CEBPZOS: variants seen among roughly 807,000 people sequenced by gnomAD.
The protein encoded by CEBPZOS is protein CEBPZOS.
In CEBPZOS, 10 loss-of-function variants were observed where a neutral mutation model predicts 4.8. The observed-to-expected ratio is 2.07, with a 90% CI of 1.28 to 3.52. The LOEUF is 3.52. CEBPZOS is among the 30% of genes most tolerant of loss of function. The pLI, the probability that CEBPZOS is intolerant of heterozygous loss-of-function variation, is 0.00. For synonymous variants in CEBPZOS, 25 were observed against 14.2 expected (o/e 1.77, Z -1.72); for missense variants, 98 against 43.6 (o/e 2.25, Z -3.51).
chr2:37,205,433 A>G (rs549488274), downstream of CEBPZOS, among the ~76,000 whole-genome samples: 1 of 151,856 alleles, frequency 6.6e-6, no homozygotes, highest in Non-Finnish European at 1.5e-5. Flanking sequence ...GCACCTTGTG[A>G]CCCCCACTCC....
chr2:37,212,310 G>A (rs1677747131), intron 4 of CEBPZOS: 1 of 1,599,408 alleles, frequency 6.3e-7, no homozygotes, highest in Non-Finnish European at 8.6e-7. Flanking sequence ...AGAAAAATAG[G>A]AAGGAGAAGA....
chr2:37,205,521 A>G (rs1457877037), downstream of CEBPZOS, among the ~76,000 whole-genome samples: 8 of 151,934 alleles, frequency 5.3e-5, no homozygotes, highest in Admixed American at 5.2e-4. Flanking sequence ...CCCCACCCCT[A>G]TCTCCCTTCA....
intron 3 of CEBPZOS, 132 bp from the exon 4 acceptor site, chr2:37,201,510 C>A (rs1392854945): frequency 3.3e-6 from 2 of 600,830 alleles, no homozygotes; most frequent in East Asian, 5.7e-5. Flanking sequence ...TATGTGAAGT[C>A]TGTAATCCTA....
intron 2 of CEBPZOS, among the ~76,000 whole-genome samples, chr2:37,200,655 T>C (rs1677175251): frequency 1.2e-5 from 1 of 80,192 alleles, no homozygotes; most frequent in Admixed American, 1.7e-4. Context: ...AGACACTGTA[T>C]CTTAAGAAAA....
intron 4 of CEBPZOS, chr2:37,212,456 T>A (rs1677753410): frequency 7.6e-7 from 1 of 1,316,704 alleles, no homozygotes; most frequent in Non-Finnish European, 1.1e-6. Context: ...ATATCTTGTA[T>A]CTGAATCAAT....
intron 4 of CEBPZOS, chr2:37,211,247 A>T: frequency 1.1e-5 from 5 of 444,582 alleles, no homozygotes. Flanking sequence ...AGACTGAGAA[A>T]AAGACTCTAA....
chr2:37,196,898 A>G (rs1242520791), intron 1 of CEBPZOS, among the ~76,000 whole-genome samples: 2 of 152,224 alleles, frequency 1.3e-5, no homozygotes, highest in Non-Finnish European at 2.9e-5. Flanking sequence ...TCTGTTGAAA[A>G]GTCGTCCTCT....
At position 37,202,860 on chromosome 2, in the gene CEBPZOS, G is replaced by A; in HGVS notation, c.*1000G>A. On this transcript the variant is annotated 3_prime_UTR_variant, in exon 5 of 5. Coordinates refer to ENST00000402297, the MANE Select transcript of CEBPZOS (RefSeq NM_001322374.2). ...ATCCCATATTTTCATCCAATAGATG[G>A]CCAAACTTTTAAACAAAAACGATAA... 2 of 1,599,878 alleles carry A rather than the reference G, an allele frequency of 1.3e-6. No individual in the cohort carries two copies. Among genetic ancestry groups the A allele is most frequent in the Non-Finnish European group, 1.7e-6 (2 of 1,173,456 alleles).
chr2:37,207,556 T>C (rs1385853455), downstream of CEBPZOS, among the ~76,000 whole-genome samples: 1 of 152,206 alleles, frequency 6.6e-6, no homozygotes, highest in Non-Finnish European at 1.5e-5. Flanking sequence ...TTGAATGATC[T>C]TTGTGTCAAC....
rs188301757 is a variant in CEBPZOS at position 37,211,974 on chromosome 2, T to A, written c.*3-1463T>A. On this transcript the variant is annotated intron_variant, in intron 4 of 4. Transcript: ENST00000397064. ...GTCATCCAGGTTACCAAGTTCATCA[T>A]CACTACCTTCTGAATCTTCATCTAA... The A allele has an allele frequency of 2.5e-6, 4 of 1,613,366 alleles. No individual in the cohort carries two copies. In the African/African-American group the frequency reaches 5.3e-5, roughly 22 times the overall value.
rs180698380 is a variant in CEBPZOS, at chr2:37,213,617, T to C, written c.*183T>C. The C allele has an allele frequency of 2.0e-3, 647 of 328,736 alleles. 5 individuals carry two copies. Among genetic ancestry groups the C allele is most frequent in the African/African-American group, 0.013 (595 of 44,626 alleles). 20.4% of individuals were successfully genotyped at this position (328,736 alleles called of 1,614,324 possible). A position where few individuals can be genotyped will look rare whatever the true frequency, so the allele number is the denominator to read the frequency against. On this transcript the variant is annotated 3_prime_UTR_variant, in exon 5 of 5. Coordinates refer to the CEBPZOS transcript ENST00000397064. ...TTAGTAGAGACAGGGTTTCACCATA[T>C]TGGCCAGGCTGGTCTCGAACTCCTG...
chr2:37,213,740 G>T (rs2148351403), downstream of CEBPZOS: 1 of 646,754 alleles, frequency 1.5e-6, no homozygotes, highest in Non-Finnish European at 2.6e-6. Context: ...CTTCCACTGT[G>T]ATTTGCATGA....
At position 37,202,801 on chromosome 2, in the gene CEBPZOS, G is replaced by C; in HGVS notation, c.*941G>C. The stretch of plus-strand genomic sequence containing the variant: ...TTACTTACTTGCATTATCTTTGTTA[G>C]CCATGGCATTCATGCCAATGTTATC... On this transcript the variant is annotated 3_prime_UTR_variant, in exon 5 of 5. Transcript: ENST00000402297. 1 of 1,583,764 alleles carries C rather than the reference G, an allele frequency of 6.3e-7. No individual in the cohort carries two copies. Among genetic ancestry groups the C allele is most frequent in the Non-Finnish European group, 8.6e-7 (1 of 1,165,474 alleles).
At chr2:37,205,635 A>C (rs1254831315), downstream of CEBPZOS, among the ~76,000 whole-genome samples, 2 of 152,234 alleles carry the variant, frequency 1.3e-5, no homozygotes, top group African/African-American at 4.8e-5. Context: ...GACGCGCATG[A>C]AACTTTTTAA....
At chr2:37,198,652 G>C (rs1677065961) in intron 1 of CEBPZOS, 1 of 152,090 alleles carries the variant, frequency 6.6e-6, no homozygotes, top group African/African-American at 2.4e-5. Flanking sequence ...CTAAAAACTT[G>C]GGTTTACATT....
At chr2:37,211,159 A>C (rs1026115432) in intron 4 of CEBPZOS, 2 of 969,688 alleles carry the variant, frequency 2.1e-6, no homozygotes, top group African/African-American at 3.3e-5. Context: ...GATATGCTAA[A>C]ATCTTTATTC....
chr2:37,215,723 GC>G (rs1249039249), downstream of CEBPZOS, among the ~76,000 whole-genome samples: 1 of 152,104 alleles, frequency 6.6e-6, no homozygotes, highest in African/African-American at 2.4e-5. Context: ...TTAAAATGAT[GC>G]TCTGTGACAA....
chr2:37,207,796 C>G (rs192343436), downstream of CEBPZOS, among the ~76,000 whole-genome samples: 215 of 152,094 alleles, frequency 1.4e-3, 1 homozygote, highest in African/African-American at 4.9e-3. Context: ...AAAGAAATAA[C>G]AAATATCAGA....
Position 37,202,698 on chromosome 2 carries a change from AATAAAAT to A in CEBPZOS, c.*840_*846del. ...AAAAAAAAAAAAAAAAAAAAGAATA[AATAAAAT>A]AACGAAAATTTCCTATCTTCTGAAG... On this transcript the variant is annotated 3_prime_UTR_variant, in exon 5 of 5. Transcript: ENST00000402297. 6.8e-6 allele frequency: 2 copies of A among 293,184 alleles called. No individual in the cohort carries two copies. Among genetic ancestry groups the A allele is most frequent in the Admixed American group, 1.3e-4 (2 of 14,916 alleles). 18.2% of individuals were successfully genotyped at this position (293,184 alleles called of 1,614,324 possible).
Sources: gnomAD v4.1 joint callset for allele counts (sites outside exome capture counted in the v4.1 genomes callset) on GRCh38, gnomAD v4.1.1 for gene constraint, MANE v1.5 for transcripts, NCBI Gene and HGNC (gene_info 2026-07-23, HGNC 2026-07-21) for gene names.